The following TCF3 variants were observed in gnomAD, a reference collection of about 807,000 sequenced individuals.
TCF3 encodes transcription factor E2-alpha.
Under a neutral mutation model 72.3 loss-of-function variants are expected in TCF3, and 54 were observed. The ratio of observed to expected loss-of-function variants is 0.75; its 90% CI spans 0.60 to 0.94. The LOEUF (loss-of-function observed/expected upper bound fraction) is 0.94. Among genes scored for constraint, TCF3 ranks in the 40% least tolerant of loss-of-function variants. TCF3 has a pLI of 0.00. For missense variants in TCF3, 1,078 were observed against 934.4 expected (o/e 1.15, Z -2.00); for synonymous variants, 525 against 412.6 (o/e 1.27, Z -3.30).
intron 18 of TCF3, among the ~76,000 whole-genome samples, chr19:1,613,954 G>A (rs2061294183): frequency 6.6e-6 from 1 of 152,276 alleles, no homozygotes; most frequent in Non-Finnish European, 1.5e-5. Context: ...GCAGCATGCA[G>A]CTGGCGAGCG....
intron 6 of TCF3, among the ~76,000 whole-genome samples, chr19:1,626,660 C>G (rs943467554): frequency 6.6e-6 from 1 of 152,156 alleles, no homozygotes; most frequent in African/African-American, 2.4e-5. Flanking sequence ...CGGGCACTTG[C>G]GTATTCCTGT....
At chr19:1,632,983 T>C (rs1599839475) in intron 3 of TCF3, among the ~76,000 whole-genome samples, 1 of 151,408 alleles carries the variant, frequency 6.6e-6, no homozygotes, top group African/African-American at 2.4e-5. Context: ...CCCGTGAGGG[T>C]GGAGCCGAAT....
At chr19:1,636,721 A>T (rs1351186815) in intron 3 of TCF3, among the ~76,000 whole-genome samples, 2 of 152,012 alleles carry the variant, frequency 1.3e-5, no homozygotes, top group African/African-American at 4.8e-5. Flanking sequence ...CAGGCTGTGT[A>T]GCACATGCTC....
At chr19:1,617,415 C>G (rs2061662977) in intron 16 of TCF3, among the ~76,000 whole-genome samples, 1 of 152,244 alleles carries the variant, frequency 6.6e-6, no homozygotes, top group African/African-American at 2.4e-5. Context: ...TCATGAAGCT[C>G]AAGAACAATA....
intron 2 of TCF3, among the ~76,000 whole-genome samples, chr19:1,649,838 T>C (rs2066724562): frequency 6.6e-6 from 1 of 152,228 alleles, no homozygotes; most frequent in South Asian, 2.1e-4. Context: ...GCGACCCTGA[T>C]CAGGCCCATT....
chr19:1,620,256 G>T (rs2062023014), intron 13 of TCF3, among the ~76,000 whole-genome samples: 3 of 152,118 alleles, frequency 2.0e-5, no homozygotes, highest in Admixed American at 2.0e-4. Context: ...GAGGGTTCCT[G>T]GCGCTTCCCA....
At chr19:1,617,712 G>A (rs975382358) in intron 16 of TCF3, among the ~76,000 whole-genome samples, 1 of 152,226 alleles carries the variant, frequency 6.6e-6, no homozygotes, top group Non-Finnish European at 1.5e-5. Context: ...GAAGGAAACA[G>A]AGGGGAGCCT....
chr19:1,612,283 C>A, intron 18 of TCF3: 1 of 1,613,452 alleles, frequency 6.2e-7, no homozygotes, highest in Non-Finnish European at 8.5e-7. Context: ...GCGCTTTGTC[C>A]GACTTGAGGT....
intron 3 of TCF3, among the ~76,000 whole-genome samples, chr19:1,641,899 A>C (rs8108123): frequency 0.13 from 19,954 of 151,986 alleles, 1,412 homozygotes; most frequent in South Asian, 0.3. Flanking sequence ...AGCCCTCTAC[A>C]AAATACATAT....
intron 16 of TCF3, among the ~76,000 whole-genome samples, chr19:1,616,785 A>G (rs561909906): frequency 8.5e-5 from 13 of 152,344 alleles, no homozygotes; most frequent in African/African-American, 3.1e-4. Context: ...AACAAGTAAA[A>G]AAGAAAAAAC....
chr19:1,626,103 T>G (rs2146286458), intron 6 of TCF3, among the ~76,000 whole-genome samples: 1 of 152,296 alleles, frequency 6.6e-6, no homozygotes, highest in East Asian at 1.9e-4. Flanking sequence ...CGGGCTTTCT[T>G]CCTGGGGAGC....
intron 3 of TCF3, 119 bp downstream of exon 3, chr19:1,646,236 T>A: frequency 9.0e-7 from 1 of 1,115,228 alleles, no homozygotes; most frequent in South Asian, 1.5e-5. Context: ...CCGGCCTGTG[T>A]GGCCCTTTCC....
intron 8 of TCF3, among the ~76,000 whole-genome samples, 179 bp downstream of exon 8, chr19:1,623,772 T>C (rs908908135): frequency 1.3e-5 from 2 of 152,168 alleles, no homozygotes; most frequent in African/African-American, 4.8e-5. Context: ...AGGGAAGGAC[T>C]TCCCCGCCTT....
Position 1,621,020 on chromosome 19 carries a change from ATTGC to A in TCF3, c.1037_1040del (p.Ser346IlefsTer47). ...GGGTAGAAGGGCTGGACGAGAAGTTATTGCTTGAGTGATCCGGGGAGTAGATCTG... is the reference window on the plus strand; with the variant it reads ...GGGTAGAAGGGCTGGACGAGAAGTTATTGAGTGATCCGGGGAGTAGATCTG... On this transcript the variant is annotated frameshift_variant, in exon 13 of 19. Transcript: ENST00000262965. LOFTEE classifies it high-confidence loss of function. 1 of 1,517,404 alleles carries A rather than the reference ATTGC, an allele frequency of 6.6e-7. No individual in the cohort carries two copies. Among genetic ancestry groups the A allele is most frequent in the Non-Finnish European group, 8.8e-7 (1 of 1,130,356 alleles). 94.0% of individuals were successfully genotyped at this position (1,517,404 alleles called of 1,614,324 possible). A position where few individuals can be genotyped will look rare whatever the true frequency, so the allele number is the denominator to read the frequency against.
At chr19:1,620,395 G>A (rs1287912765) in intron 13 of TCF3, among the ~76,000 whole-genome samples, 2 of 152,144 alleles carry the variant, frequency 1.3e-5, no homozygotes, top group African/African-American at 4.8e-5. Context: ...GTCCTCACAG[G>A]GATAGGAGGG....
chr19:1,621,788 T>C (rs1287950080), intron 11 of TCF3, 50 bp downstream of exon 11: 11 of 1,512,184 alleles, frequency 7.3e-6, no homozygotes, highest in Non-Finnish European at 9.7e-6. Context: ...AGACCCTGCC[T>C]GGAGCCCAGT....
intron 6 of TCF3, among the ~76,000 whole-genome samples, chr19:1,626,488 G>T (rs1437695957): frequency 6.6e-6 from 1 of 151,868 alleles, no homozygotes; most frequent in Non-Finnish European, 1.5e-5. Flanking sequence ...TCATCATCCA[G>T]TGGCCCCACG....
intron 3 of TCF3, among the ~76,000 whole-genome samples, chr19:1,636,599 T>C (rs1314213952): frequency 1.3e-5 from 2 of 152,150 alleles, no homozygotes; most frequent in Admixed American, 1.3e-4. Context: ...CTCCATTTTA[T>C]CTAAATTCAA....
intron 6 of TCF3, 39 bp downstream of exon 6, chr19:1,627,319 TA>T (rs1166896949): frequency 1.3e-6 from 2 of 1,559,098 alleles, no homozygotes; most frequent in South Asian, 1.2e-5. Context: ...CAGATTTGTT[TA>T]AAATCAAAAT....
Sources: allele counts gnomAD v4.1 joint callset (sites outside exome capture counted in the v4.1 genomes callset), GRCh38; gene constraint gnomAD v4.1.1; transcripts MANE v1.5; gene names NCBI Gene and HGNC (gene_info 2026-07-23, HGNC 2026-07-21).